Variants in TULP4 observed in about 807,000 individuals in gnomAD.
The protein encoded by TULP4 is tubby-related protein 4.
A neutral mutation model predicts 129.0 loss-of-function variants in TULP4; 16 were observed. The ratio of observed to expected loss-of-function variants is 0.12; its 90% CI spans 0.08 to 0.19. The LOEUF (loss-of-function observed/expected upper bound fraction) is 0.19, where lower values mean the gene tolerates loss of function less well. Ranked by LOEUF, TULP4 falls within the 10% of genes least tolerant of loss-of-function variation. The pLI is 1.00. For synonymous variants in TULP4, 998 were observed against 854.0 expected, an observed-to-expected ratio of 1.17 and a Z score of -2.94; for missense variants, 1,842 against 2,059.1, an observed-to-expected ratio of 0.89 and a Z score of 2.04.
intron 1 of TULP4, among the ~76,000 whole-genome samples, chr6:158,332,225 A>G (rs1779927044): frequency 7.1e-6 from 1 of 141,414 alleles, no homozygotes; most frequent in Admixed American, 7.1e-5. Flanking sequence ...ATATATATAT[A>G]TATAAATTGA....
intron 8 of TULP4, among the ~76,000 whole-genome samples, chr6:158,488,288 G>A (rs1354063728): frequency 6.6e-6 from 1 of 152,160 alleles, no homozygotes; most frequent in Non-Finnish European, 1.5e-5. Flanking sequence ...AGTCATAGCT[G>A]AGATTCCTTT....
intron 1 of TULP4, among the ~76,000 whole-genome samples, chr6:158,392,092 C>A (rs1255137718): frequency 6.6e-6 from 1 of 152,224 alleles, no homozygotes; most frequent in Non-Finnish European, 1.5e-5. Flanking sequence ...AATGGACTTA[C>A]CATTCCACAT....
intron 1 of TULP4, among the ~76,000 whole-genome samples, chr6:158,243,275 A>G (rs548197554): frequency 6.6e-6 from 1 of 152,248 alleles, no homozygotes. Flanking sequence ...ATTTTAGTAC[A>G]TGTCTCCAAA....
At chr6:158,318,460 G>A (rs940270680) in intron 1 of TULP4, among the ~76,000 whole-genome samples, 1 of 152,176 alleles carries the variant, frequency 6.6e-6, no homozygotes, top group Admixed American at 6.5e-5. Context: ...AGTGCCTGAC[G>A]TGGTTTCAGA....
chr6:158,457,560 T>C (rs1245995931), intron 5 of TULP4, among the ~76,000 whole-genome samples: 2 of 152,210 alleles, frequency 1.3e-5, no homozygotes, highest in Admixed American at 6.5e-5. Flanking sequence ...CCCATTGTTA[T>C]GACTTCTACT....
At chr6:158,453,635 A>G (rs901678607) in intron 5 of TULP4, among the ~76,000 whole-genome samples, 1 of 151,544 alleles carries the variant, frequency 6.6e-6, no homozygotes, top group Admixed American at 6.6e-5. Flanking sequence ...TTAAAAATAC[A>G]CAAATTAGCT....
chr6:158,363,514 C>T (rs1780848692), intron 1 of TULP4, among the ~76,000 whole-genome samples: 1 of 152,152 alleles, frequency 6.6e-6, no homozygotes, highest in Admixed American at 6.5e-5. Context: ...GGCGGAGTCT[C>T]ACTGTGTCGC....
rs147853126 is a variant in TULP4, at chr6:158,329,326, T to G, written c.252+15058T>G. On this transcript the variant is annotated intron_variant, in intron 1 of 13. Coordinates refer to ENST00000367097, the MANE Select transcript of TULP4 (RefSeq NM_020245.5). Reference sequence around the variant, plus strand: ...CTCCTAGTCAAGCTCACTTCCAGCCTTTCTTTTTCCTCCCTGTATATAATC... The same window carrying G: ...CTCCTAGTCAAGCTCACTTCCAGCCGTTCTTTTTCCTCCCTGTATATAATC... Among the ~76,000 whole-genome samples the G allele has an allele frequency of 3.4e-4, 52 of 152,296 alleles. No homozygotes were observed. The East Asian group carries it at 8.3e-3, about 24-fold the overall frequency.
chr6:158,439,040 A>G (rs1231052422), intron 3 of TULP4, among the ~76,000 whole-genome samples: 1 of 151,798 alleles, frequency 6.6e-6, no homozygotes. Flanking sequence ...GTGTGGTGGC[A>G]TGTGCCTGTA....
chr6:158,450,246 TC>T (rs746832784), intron 4 of TULP4, among the ~76,000 whole-genome samples: 8 of 152,174 alleles, frequency 5.3e-5, no homozygotes, highest in Non-Finnish European at 1.2e-4. Flanking sequence ...TGTGTGCCCT[TC>T]ATAGTCAAAG....
chr6:158,280,062 A>ACTGG (rs1778722390), upstream of TULP4, among the ~76,000 whole-genome samples: 1 of 152,204 alleles, frequency 6.6e-6, no homozygotes, highest in Non-Finnish European at 1.5e-5. Context: ...CAGTTTGGTA[A>ACTGG]GAAGGAAAGT....
intron 6 of TULP4, among the ~76,000 whole-genome samples, chr6:158,479,040 A>G (rs1317340724): frequency 6.6e-6 from 1 of 152,084 alleles, no homozygotes; most frequent in Non-Finnish European, 1.5e-5. Flanking sequence ...CACCTCCTGT[A>G]ATCCTCACAG....
intron 1 of TULP4, among the ~76,000 whole-genome samples, chr6:158,389,462 AAAAC>A (rs952791552): frequency 3.3e-5 from 5 of 152,100 alleles, no homozygotes; most frequent in African/African-American, 1.2e-4. Flanking sequence ...TCTCTCTCTC[AAAAC>A]AAACAAACAA....
chr6:158,352,886 A>AT (rs2114806673), intron 1 of TULP4, among the ~76,000 whole-genome samples: 1 of 152,354 alleles, frequency 6.6e-6, no homozygotes, highest in Admixed American at 6.5e-5. Context: ...ACATCTATTT[A>AT]TTTTAAGATG....
chr6:158,251,313 A>C (rs1220041985), intron 1 of TULP4, among the ~76,000 whole-genome samples: 1 of 152,214 alleles, frequency 6.6e-6, no homozygotes, highest in Non-Finnish European at 1.5e-5. Flanking sequence ...TAATACGGTC[A>C]TACTCTTCTG....
intron 13 of TULP4, among the ~76,000 whole-genome samples, chr6:158,505,410 C>T (rs1305850141): frequency 6.6e-6 from 1 of 152,250 alleles, no homozygotes; most frequent in African/African-American, 2.4e-5. Flanking sequence ...AGCACAGCCA[C>T]GCTCATTCAC....
chr6:158,490,113 T>C (rs913306331), intron 9 of TULP4, among the ~76,000 whole-genome samples: 1 of 152,158 alleles, frequency 6.6e-6, no homozygotes, highest in Non-Finnish European at 1.5e-5. Flanking sequence ...CCTGTAATGC[T>C]GGAGCCGGGC....
intron 1 of TULP4, among the ~76,000 whole-genome samples, chr6:158,289,231 A>G (rs1393444914): frequency 6.6e-6 from 1 of 152,036 alleles, no homozygotes; most frequent in Non-Finnish European, 1.5e-5. Flanking sequence ...TTTTATCTTA[A>G]GTTTCATGGT....
At chr6:158,425,538 G>A (rs867468783) in intron 2 of TULP4, among the ~76,000 whole-genome samples, 81 of 55,278 alleles carry the variant, frequency 1.5e-3, no homozygotes, top group African/African-American at 8.5e-3. Flanking sequence ...AAAAAAAAAT[G>A]GCAGCCGACG....
Sources: allele counts gnomAD v4.1 joint callset (sites outside exome capture counted in the v4.1 genomes callset), GRCh38; gene constraint gnomAD v4.1.1; transcripts MANE v1.5; gene names NCBI Gene and HGNC (gene_info 2026-07-23, HGNC 2026-07-21).